The following TMEM212 variants were observed in gnomAD, a reference collection of about 807,000 sequenced individuals.
TMEM212 encodes transmembrane protein 212.
TMEM212 carries 23 observed loss-of-function variants against 20.5 expected under a neutral mutation model. The ratio of observed to expected loss-of-function variants is 1.12; its 90% CI spans 0.81 to 1.59. TMEM212 has a LOEUF of 1.59. TMEM212 is among the 40% of genes most tolerant of loss of function. TMEM212 has a pLI of 0.00. For synonymous variants in TMEM212, 76 were observed against 81.6 expected, an observed-to-expected ratio of 0.93 and a Z score of 0.37; for missense variants, 211 against 215.0, an observed-to-expected ratio of 0.98 and a Z score of 0.12.
chr3:171,854,040 T>A (rs1725055489), intron 3 of TMEM212, among the ~76,000 whole-genome samples, 190 bp downstream of exon 3: 1 of 152,126 alleles, frequency 6.6e-6, no homozygotes, highest in South Asian at 2.1e-4. Context: ...TATGTTGACA[T>A]TATAACTGAA....
rs1488511549 is a variant in TMEM212, at chr3:171,858,161, A to G, written c.*104A>G. On this transcript the variant is annotated 3_prime_UTR_variant, in exon 5 of 5. Coordinates refer to ENST00000334567, the MANE Select transcript of TMEM212 (RefSeq NM_001164436.2). Reference sequence around the variant, plus strand: ...AAAGCTGGAGGCATCACACTACCTGACTTCAAACTATTCTACAAGGCTACA... The same window carrying G: ...AAAGCTGGAGGCATCACACTACCTGGCTTCAAACTATTCTACAAGGCTACA... 1 of 152,200 alleles carries G rather than the reference A, an allele frequency of 6.6e-6. No individual in the cohort carries two copies. Among genetic ancestry groups the G allele is most frequent in the Non-Finnish European group, 1.5e-5 (1 of 68,086 alleles). The allele number at this position is 152,200 out of a possible 1,614,324, so 9.4% of individuals were successfully genotyped here.
At chr3:171,854,877 T>C (rs1435774757) in intron 3 of TMEM212, among the ~76,000 whole-genome samples, 1 of 152,132 alleles carries the variant, frequency 6.6e-6, no homozygotes, top group African/African-American at 2.4e-5. Context: ...GCTTTGTTGT[T>C]CAAGAAAAAG....
Position 171,856,691 on chromosome 3 carries a change from CT to C in TMEM212, c.577del (p.Ser193HisfsTer9). The C allele has an allele frequency of 1.3e-5, 9 of 687,440 alleles. No individual in the cohort carries two copies. Among genetic ancestry groups the C allele is most frequent in the South Asian group, 3.1e-5 (2 of 64,464 alleles). The allele number at this position is 687,440 out of a possible 1,614,324, so 42.6% of individuals were successfully genotyped here. On this transcript the variant is annotated frameshift_variant, in exon 4 of 5. Transcript: ENST00000334567. LOFTEE classifies it high-confidence loss of function. ...NMQLPAGNPNPFSP is the reference protein window; with the variant it reads ...NMQLPAGNPNXFSP ...CAACTCCCTGCTGGGAACCCAAACCCTTTTTCACCATAAAAGGTAAAATGGT... is the reference window on the plus strand; with the variant it reads ...CAACTCCCTGCTGGGAACCCAAACCCTTTTCACCATAAAAGGTAAAATGGT...
intron 3 of TMEM212, among the ~76,000 whole-genome samples, chr3:171,856,403 T>G (rs1032839268): frequency 1.3e-5 from 2 of 152,170 alleles, no homozygotes; most frequent in African/African-American, 4.8e-5. Flanking sequence ...CTGCTTGCCC[T>G]GAGAAGAGGA....
intron 2 of TMEM212, 24 bp from the exon 3 acceptor site, chr3:171,853,503 A>G (rs1414903227): frequency 3.9e-6 from 6 of 1,522,388 alleles, no homozygotes; most frequent in Non-Finnish European, 5.3e-6. Context: ...CCAAAGTAAC[A>G]ATTTATTTTT....
At position 171,848,580 on chromosome 3, in the gene TMEM212, GATAGA is replaced by G. The variant is rs60136847; in HGVS notation, c.160-3375_160-3371del. ...AAATGCATAGAATAGAATAGAATAG[GATAGA>G]ATAGAATAGAATAGAATAGAATAGA... On this transcript the variant is annotated intron_variant, in intron 1 of 4. Coordinates refer to ENST00000334567, the MANE Select transcript of TMEM212 (RefSeq NM_001164436.2). Among the ~76,000 whole-genome samples the G allele has an allele frequency of 2.7e-3, 389 of 144,632 alleles. 4 individuals carry two copies. Among genetic ancestry groups the G allele is most frequent in the South Asian group, 0.015 (68 of 4,400 alleles). The allele number at this position is 144,632 out of a possible 152,430, so 94.9% of individuals were successfully genotyped here.
intron 3 of TMEM212, 64 bp downstream of exon 3, chr3:171,853,914 G>T: frequency 8.0e-7 from 1 of 1,255,628 alleles, no homozygotes. Flanking sequence ...GGAAAGTCTG[G>T]TATGTGAACA....
rs917938766 is a variant in TMEM212 at position 171,853,653 on chromosome 3, A to G, written c.346A>G (p.Asn116Asp). ...TTCATTTTCAGGGATTGCAGGGACTAATTACCTTGGCTATGCAGTTACCTT... is the reference window on the plus strand; with the variant it reads ...TTCATTTTCAGGGATTGCAGGGACTGATTACCTTGGCTATGCAGTTACCTT... ...FYSFSGIAGT[N>D]YLGYAVTFPY... The change falls in exon 3 of 5, where the codon AAT becomes GAT. Residue 116 changes from asparagine (N) to aspartate (D), a missense_variant. By Grantham distance (23) the Asn-to-Asp change is conservative. Transcript: ENST00000334567. 7 of 1,537,378 alleles carry G rather than the reference A, an allele frequency of 4.6e-6. No homozygotes were observed. In the African/African-American group the frequency reaches 9.6e-5, roughly 21 times the overall value.
rs538805409 is a variant in TMEM212 at position 171,849,360 on chromosome 3, C to T, written c.160-2622C>T. 3.9e-5 allele frequency among the ~76,000 whole-genome samples: 6 copies of T among 152,302 alleles called. No individual in the cohort carries two copies. The South Asian group carries it at 1.2e-3, about 32-fold the overall frequency. ...AGTGTTGTAGCCATTCTCGTGTGTG[C>T]ATTATTTTTACACCTGAACTGTAAA... On this transcript the variant is annotated intron_variant, in intron 1 of 4. Coordinates refer to ENST00000334567, the MANE Select transcript of TMEM212 (RefSeq NM_001164436.2).
chr3:171,843,433 T>C lies in TMEM212; in HGVS notation c.50T>C (p.Ile17Thr), dbSNP rs1211092905. The change falls in exon 1 of 5, where the codon ATC becomes ACC. Residue 17 changes from isoleucine (I) to threonine (T), a missense_variant. Ile to Thr is a moderately conservative substitution (Grantham distance 89). Transcript: ENST00000334567. ...GGCCGGATTCTTGTTACTCTGGGGA[T>C]CCTCAGTGTATGCTCTGGAGTTATT... ...AAGRILVTLG[I>T]LSVCSGVIAF... is the part of the protein sequence containing the mutation. 6.5e-7 allele frequency: 1 copy of C among 1,536,822 alleles called. No individual in the cohort carries two copies. The highest frequency in any genetic ancestry group is 1.4e-5 in the African/African-American group (1 of 73,030).
intron 4 of TMEM212, among the ~76,000 whole-genome samples, 188 bp from the exon 5 acceptor site, chr3:171,857,873 T>C (rs1725155187): frequency 6.6e-6 from 1 of 151,422 alleles, no homozygotes; most frequent in Admixed American, 6.6e-5. Flanking sequence ...AAAATGACTA[T>C]TATCAACCGG....
At chr3:171,850,745 A>G (rs1402413525) in intron 1 of TMEM212, among the ~76,000 whole-genome samples, 5 of 152,120 alleles carry the variant, frequency 3.3e-5, no homozygotes, top group Admixed American at 1.3e-4. Flanking sequence ...CCTTTTGACT[A>G]CAGATGGTTC....
At chr3:171,847,145 G>C (rs573661445) in intron 1 of TMEM212, among the ~76,000 whole-genome samples, 3 of 152,306 alleles carry the variant, frequency 2.0e-5, no homozygotes, top group East Asian at 3.9e-4. Flanking sequence ...AAAAGCATCA[G>C]CTGCTAGCAA....
intron 1 of TMEM212, among the ~76,000 whole-genome samples, chr3:171,848,551 C>T (rs974756559): frequency 1.1e-4 from 5 of 46,766 alleles, no homozygotes; most frequent in Non-Finnish European, 3.7e-5. Context: ...GCAGTATTTA[C>T]AATAAATGCA....
At chr3:171,857,892 T>C (rs1238258016) in intron 4 of TMEM212, among the ~76,000 whole-genome samples, 169 bp from the exon 5 acceptor site, 2 of 151,464 alleles carry the variant, frequency 1.3e-5, no homozygotes, top group African/African-American at 2.5e-5. Flanking sequence ...GGGTAAGAGA[T>C]AACAAGTGTT....
In TMEM212 at chr3:171,850,179, T is replaced by C. The variant is rs188258708; in HGVS notation, c.160-1803T>C. ...CATCTTGGGGAAAATAGCCCTATTC[T>C]ATCTCCCATGTCTGGCGGGGAGCAC... On this transcript the variant is annotated intron_variant, in intron 1 of 4. Coordinates refer to ENST00000334567, the MANE Select transcript of TMEM212 (RefSeq NM_001164436.2). Among the ~76,000 whole-genome samples the C allele has an allele frequency of 1.3e-3, 193 of 152,324 alleles. 1 individual carries two copies. The highest frequency in any genetic ancestry group is 4.6e-3 in the African/African-American group (190 of 41,564).
At chr3:171,853,975 C>G (rs957982091) in intron 3 of TMEM212, 125 bp downstream of exon 3, 16 of 714,516 alleles carry the variant, frequency 2.2e-5, no homozygotes, top group Non-Finnish European at 3.6e-5. Flanking sequence ...TTTTGATATC[C>G]AGGTCTGGCA....
chr3:171,849,392 C>T (rs181862824), intron 1 of TMEM212, among the ~76,000 whole-genome samples: 27 of 152,300 alleles, frequency 1.8e-4, no homozygotes, highest in Admixed American at 7.9e-4. Context: ...TAAATTCCAG[C>T]GGCAGTCAGA....
rs1201906296 is a variant in TMEM212, at chr3:171,851,965, C to T, written c.160-17C>T. 4 of 1,536,364 alleles carry T rather than the reference C, an allele frequency of 2.6e-6. No individual in the cohort carries two copies. The highest frequency in any genetic ancestry group is 3.5e-6 in the Non-Finnish European group (4 of 1,146,290). On this transcript the variant is annotated splice_polypyrimidine_tract_variant and intron_variant, in intron 1 of 4. Transcript: ENST00000334567. Reference sequence around the variant, plus strand: ...CCTTCTGTGGTGGATGTTTATTTTTCCATTTTCTTGTCACAGGCCATCACA... The same window carrying T: ...CCTTCTGTGGTGGATGTTTATTTTTTCATTTTCTTGTCACAGGCCATCACA...
Sources: allele counts gnomAD v4.1 joint callset (sites outside exome capture counted in the v4.1 genomes callset), GRCh38; gene constraint gnomAD v4.1.1; transcripts MANE v1.5; gene names NCBI Gene and HGNC (gene_info 2026-07-23, HGNC 2026-07-21).